The following BTD variants were observed in gnomAD, a reference collection of about 807,000 sequenced individuals.
BTD encodes the protein biocytinase.
Under a neutral mutation model 17.7 loss-of-function variants are expected in BTD, and 13 were observed. That is an observed-to-expected ratio of 0.74 (90% confidence interval 0.48 to 1.17). BTD has a LOEUF of 1.17. Ranked by LOEUF, BTD falls within the 50% of genes most tolerant of loss-of-function variation. The pLI is 0.00. For missense variants in BTD, 674 were observed against 650.4 expected, an observed-to-expected ratio of 1.04 and a Z score of -0.39; for synonymous variants, 240 against 245.2, an observed-to-expected ratio of 0.98 and a Z score of 0.20.
chr3:15,610,840 A>G (rs1311399930), intron 1 of BTD, among the ~76,000 whole-genome samples: 1 of 151,962 alleles, frequency 6.6e-6, no homozygotes, highest in Non-Finnish European at 1.5e-5. Flanking sequence ...ACTAAACTAC[A>G]GTGTCTAGGG....
intron 1 of BTD, among the ~76,000 whole-genome samples, chr3:15,608,582 A>C (rs1480277529): frequency 1.3e-5 from 2 of 152,180 alleles, no homozygotes; most frequent in Non-Finnish European, 2.9e-5. Context: ...CCTGGCCAAC[A>C]TGGTGAAACC....
chr3:15,708,596 A>G (rs1383103682), intron 3 of BTD, among the ~76,000 whole-genome samples: 1 of 152,208 alleles, frequency 6.6e-6, no homozygotes, highest in Non-Finnish European at 1.5e-5. Context: ...GAATGCCTGA[A>G]GTACTAAAAA....
chr3:15,721,528 C>T (rs770611854), intron 4 of BTD, among the ~76,000 whole-genome samples: 5 of 152,056 alleles, frequency 3.3e-5, no homozygotes, highest in Non-Finnish European at 7.4e-5. Context: ...GTAACATGCA[C>T]ATTTTCATCT....
intron 3 of BTD, among the ~76,000 whole-genome samples, chr3:15,705,959 G>A (rs2071300184): frequency 6.6e-6 from 1 of 151,906 alleles, no homozygotes; most frequent in Admixed American, 6.6e-5. Context: ...TGAGACTGCA[G>A]CACTGCACTC....
intron 3 of BTD, among the ~76,000 whole-genome samples, chr3:15,667,049 T>C (rs1382989970): frequency 6.6e-6 from 1 of 152,252 alleles, no homozygotes; most frequent in Admixed American, 6.5e-5. Flanking sequence ...CTCCCAAGTA[T>C]ACAGCAGGCA....
rs574575635 is a variant in BTD at position 15,642,045 on chromosome 3, C to T, written c.387C>T (p.Phe129=). The T allele has an allele frequency of 3.1e-6, 5 of 1,614,148 alleles. No homozygotes were observed. Among genetic ancestry groups the T allele is most frequent in the African/African-American group, 2.7e-5 (2 of 75,054 alleles). The change falls in exon 3 of 4, where the codon TTC becomes TTT. Residue 129 remains phenylalanine, a synonymous_variant. Transcript: ENST00000643237. ...ACCCATGCCTGGAGCCTCACCGCTT[C>T]AATGACACAGAGGTGATTCCTGCCT... ...RWNPCLEPHR[F]NDTEVLQRLS...
chr3:15,686,079 A>G (rs1179215605), intron 3 of BTD: 1 of 1,613,688 alleles, frequency 6.2e-7, no homozygotes, highest in Admixed American at 1.7e-5. Context: ...GAGTAAACAC[A>G]GTCTGTGTGC....
chr3:15,609,183 A>C (rs1304038244), intron 1 of BTD, among the ~76,000 whole-genome samples: 1 of 152,222 alleles, frequency 6.6e-6, no homozygotes, highest in East Asian at 1.9e-4. Flanking sequence ...AATACATTTA[A>C]CATTTATGAC....
intron 1 of BTD, among the ~76,000 whole-genome samples, chr3:15,624,818 C>T (rs7620644): frequency 0.041 from 6,191 of 152,208 alleles, 410 homozygotes; most frequent in African/African-American, 0.14. Flanking sequence ...CTGCAACCTC[C>T]GCCTCCTGGG....
At position 15,631,509 on chromosome 3, in the gene BTD, C is replaced by T. The variant is rs1224071246; in HGVS notation, c.-16-3915C>T. On this transcript the variant is annotated intron_variant, in intron 1 of 3. Coordinates refer to ENST00000643237, the MANE Select transcript of BTD (RefSeq NM_001370658.1). Reference sequence around the variant, plus strand: ...TCATTTAGCAAGGTGGGGAAAAATCCCTTGTGTGTAAAAATATCTAGTGAT... The same window carrying T: ...TCATTTAGCAAGGTGGGGAAAAATCTCTTGTGTGTAAAAATATCTAGTGAT... 5 of 1,523,558 alleles carry T rather than the reference C, an allele frequency of 3.3e-6. No individual in the cohort carries two copies. The Admixed American group carries it at 9.8e-5, about 30-fold the overall frequency. The allele number at this position is 1,523,558 out of a possible 1,614,324, so 94.4% of individuals were successfully genotyped here.
chr3:15,608,573 C>A (rs1411482238), intron 1 of BTD, among the ~76,000 whole-genome samples: 1 of 152,164 alleles, frequency 6.6e-6, no homozygotes, highest in African/African-American at 2.4e-5. Flanking sequence ...TGACACCATC[C>A]TGGCCAACAT....
At chr3:15,702,376 C>CT (rs1338801055) in intron 3 of BTD, among the ~76,000 whole-genome samples, 1 of 152,140 alleles carries the variant, frequency 6.6e-6, no homozygotes. Context: ...TCTGTATACT[C>CT]TTTTTTCTGT....
chr3:15,641,621 T>C (rs901896778), intron 2 of BTD, among the ~76,000 whole-genome samples: 2 of 152,222 alleles, frequency 1.3e-5, no homozygotes, highest in African/African-American at 4.8e-5. Context: ...CTGAGCTTAC[T>C]TTCAATGGAG....
At chr3:15,704,634 C>G (rs1480805557) in intron 3 of BTD, among the ~76,000 whole-genome samples, 1 of 152,070 alleles carries the variant, frequency 6.6e-6, no homozygotes, top group African/African-American at 2.4e-5. Context: ...ATGCCTGATT[C>G]TCTTATTACT....
chr3:15,630,025 G>A (rs1029280159), intron 1 of BTD: 53 of 985,280 alleles, frequency 5.4e-5, no homozygotes, highest in Non-Finnish European at 6.0e-5. Flanking sequence ...CGCAGACGCT[G>A]TGTGTCACAG....
In BTD at chr3:15,644,560, C is replaced by T; in HGVS notation, c.644C>T (p.Pro215Leu). Reference sequence around the variant, plus strand: ...GTGGATCTCATCACCTTTGATACCCCCTTTGCTGGCAGGTTTGGCATCTTC... The same window carrying T: ...GTGGATCTCATCACCTTTGATACCCTCTTTGCTGGCAGGTTTGGCATCTTC... The part of the protein sequence containing the change: ...LKVDLITFDT[P>L]FAGRFGIFTC... The change falls in exon 4 of 4, where the codon CCC (proline) becomes CTC (leucine). Residue 215 changes from proline (P) to leucine (L), a missense_variant. Coordinates refer to ENST00000643237, the MANE Select transcript of BTD (RefSeq NM_001370658.1). 1 of 1,614,154 alleles carries T rather than the reference C, an allele frequency of 6.2e-7. No homozygotes were observed. Among genetic ancestry groups the T allele is most frequent in the Non-Finnish European group, 8.5e-7 (1 of 1,180,036 alleles).
Position 15,645,256 on chromosome 3 carries a change from G to C in BTD, c.1340G>C (p.Gly447Ala), listed in dbSNP as rs2065665428. Reference sequence around the variant, plus strand: ...GCCCTGGTCAGGTGTGGGGGTCTTGGCTTCGACACCTGTGGACAGGAAATC... The same window carrying C: ...GCCCTGGTCAGGTGTGGGGGTCTTGCCTTCGACACCTGTGGACAGGAAATC... ...VCALVRCGGLGFDTCGQEITE... is the reference protein window; with the variant it reads ...VCALVRCGGLAFDTCGQEITE... The change falls in exon 4 of 4, where the codon GGC becomes GCC. Residue 447 changes from glycine to alanine, a missense_variant. Transcript: ENST00000643237. 2 of 1,614,042 alleles carry C rather than the reference G, an allele frequency of 1.2e-6. No individual in the cohort carries two copies. Among genetic ancestry groups the C allele is most frequent in the South Asian group, 1.1e-5 (1 of 91,086 alleles).
Position 15,644,324 on chromosome 3 carries a change from G to C in BTD, c.408G>C (p.Gln136His). Reference protein sequence around the residue: ...PHRFNDTEVLQRLSCMAIRGD... With the variant: ...PHRFNDTEVLHRLSCMAIRGD... ...ACCTTTTTTTCCTCTAGGTGCTCCA[G>C]CGCCTGAGTTGTATGGCCATCAGGG... The change falls in exon 4 of 4, where the codon CAG becomes CAC. Residue 136 changes from glutamine (Q) to histidine (H), a missense_variant. Coordinates refer to ENST00000643237, the MANE Select transcript of BTD (RefSeq NM_001370658.1). 6.2e-7 allele frequency: 1 copy of C among 1,613,776 alleles called. No homozygotes were observed. The highest frequency in any genetic ancestry group is 8.5e-7 in the Non-Finnish European group (1 of 1,179,890).
intron 1 of BTD, among the ~76,000 whole-genome samples, chr3:15,605,710 T>A (rs2125331295): frequency 6.6e-6 from 1 of 152,266 alleles, no homozygotes; most frequent in African/African-American, 2.4e-5. Context: ...AAATGACATT[T>A]TAAACTGCTT....
Sources: gnomAD v4.1 joint callset for allele counts (sites outside exome capture counted in the v4.1 genomes callset) on GRCh38, gnomAD v4.1.1 for gene constraint, MANE v1.5 for transcripts, NCBI Gene and HGNC (gene_info 2026-07-23, HGNC 2026-07-21) for gene names.